SMURF1: variants seen among roughly 807,000 people sequenced by gnomAD.
SMURF1 encodes SMAD specific E3 ubiquitin protein ligase 1.
Under a neutral mutation model 98.0 loss-of-function variants are expected in SMURF1, and 44 were observed. The ratio of observed to expected loss-of-function variants is 0.45; its 90% CI spans 0.35 to 0.58. SMURF1 has a LOEUF of 0.58. SMURF1 is among the 20% of genes least tolerant of loss of function. SMURF1 has a pLI of 0.00. For synonymous variants in SMURF1, 396 were observed against 374.9 expected, an observed-to-expected ratio of 1.06 and a Z score of -0.65; for missense variants, 687 against 938.4, an observed-to-expected ratio of 0.73 and a Z score of 3.50.
At chr7:99,030,819 T>G in intron 17 of SMURF1, 136 bp from the exon 18 acceptor site, 1 of 603,172 alleles carries the variant, frequency 1.7e-6, no homozygotes, top group East Asian at 2.8e-5. Context: ...TGATGAGTTC[T>G]CCATGTCCCC....
At chr7:99,049,473 G>T in intron 9 of SMURF1, 90 bp downstream of exon 9, 1 of 1,304,252 alleles carries the variant, frequency 7.7e-7, no homozygotes, top group Non-Finnish European at 1.1e-6. Flanking sequence ...CAACCAGCAA[G>T]ACAGTCAATA....
chr7:99,127,350 G>A (rs1267349581), intron 1 of SMURF1, among the ~76,000 whole-genome samples: 1 of 152,034 alleles, frequency 6.6e-6, no homozygotes, highest in Admixed American at 6.6e-5. Context: ...GTGAGAAAAG[G>A]AAGAGGCATT....
intron 1 of SMURF1, among the ~76,000 whole-genome samples, chr7:99,087,599 G>A (rs935303638): frequency 6.6e-6 from 1 of 152,166 alleles, no homozygotes; most frequent in Non-Finnish European, 1.5e-5. Context: ...GGTAGTGTCT[G>A]GGCATAAGAG....
chr7:99,074,814 G>A (rs1796413131), intron 1 of SMURF1, among the ~76,000 whole-genome samples: 1 of 152,174 alleles, frequency 6.6e-6, no homozygotes, highest in Non-Finnish European at 1.5e-5. Flanking sequence ...GATGACTTGT[G>A]TCCAGGTGTT....
intron 1 of SMURF1, among the ~76,000 whole-genome samples, chr7:99,113,837 TAAAAAAA>T (rs71118659): frequency 8.8e-5 from 3 of 33,952 alleles, no homozygotes; most frequent in African/African-American, 2.9e-4. Context: ...AGACTCCGTC[TAAAAAAA>T]AAAAAAAAAA....
At chr7:99,063,100 G>T (rs1796073711) in intron 1 of SMURF1, among the ~76,000 whole-genome samples, 1 of 149,544 alleles carries the variant, frequency 6.7e-6, no homozygotes, top group Admixed American at 6.7e-5. Flanking sequence ...ACAAAAATGT[G>T]CTCACATAAT....
At chr7:99,056,411 A>G (rs1488371153) in intron 5 of SMURF1, among the ~76,000 whole-genome samples, 11 of 152,228 alleles carry the variant, frequency 7.2e-5, no homozygotes, top group Admixed American at 7.2e-4. Context: ...GACTGCCTCT[A>G]GCCAACACTT....
chr7:99,085,856 C>T (rs999013308), intron 1 of SMURF1, among the ~76,000 whole-genome samples: 5 of 152,158 alleles, frequency 3.3e-5, no homozygotes, highest in Admixed American at 1.3e-4. Flanking sequence ...AGTATATATC[C>T]TTTTCAGATT....
At chr7:99,052,620 A>G (rs1195546186) in intron 6 of SMURF1, among the ~76,000 whole-genome samples, 174 bp from the exon 7 acceptor site, 1 of 152,262 alleles carries the variant, frequency 6.6e-6, no homozygotes, top group Non-Finnish European at 1.5e-5. Flanking sequence ...CCACTCAAAC[A>G]GAAAGACAGA....
intron 1 of SMURF1, among the ~76,000 whole-genome samples, chr7:99,121,400 C>A (rs1229262496): frequency 6.6e-6 from 1 of 152,098 alleles, no homozygotes; most frequent in Non-Finnish European, 1.5e-5. Context: ...TATATAATTT[C>A]TAAATTAACA....
rs1794833048 is a variant in SMURF1, at chr7:99,030,449, AAGG to A, written c.*132_*134del. 3.0e-5 allele frequency: 22 copies of A among 735,026 alleles called. 1 individual carries two copies. In the South Asian group the frequency reaches 3.8e-4, roughly 13 times the overall value. The allele number at this position is 735,026 out of a possible 1,614,324, so 45.5% of individuals were successfully genotyped here. On this transcript the variant is annotated 3_prime_UTR_variant, in exon 18 of 18. Coordinates refer to ENST00000361368, the MANE Select transcript of SMURF1 (RefSeq NM_181349.3). ...TCCCCCATCCCCCTCCCCCAACAGAAAGGAGAGAGACAACCCTTTCCCCTCAGG... is the reference window on the plus strand; with the variant it reads ...TCCCCCATCCCCCTCCCCCAACAGAAAGAGAGACAACCCTTTCCCCTCAGG...
chr7:99,133,880 T>A (rs1797927857), intron 1 of SMURF1, among the ~76,000 whole-genome samples: 1 of 152,102 alleles, frequency 6.6e-6, no homozygotes, highest in African/African-American at 2.4e-5. Flanking sequence ...AAAAATAACA[T>A]TGAACAAAAG....
intron 17 of SMURF1, chr7:99,031,255 C>T (rs1334643911): frequency 2.0e-5 from 3 of 152,188 alleles, no homozygotes; most frequent in Admixed American, 6.5e-5. Context: ...GGAAAATTCC[C>T]TGCAAAAACA....
chr7:99,034,852 G>A (rs1795071190), intron 16 of SMURF1, among the ~76,000 whole-genome samples: 1 of 152,176 alleles, frequency 6.6e-6, no homozygotes, highest in Non-Finnish European at 1.5e-5. Flanking sequence ...CGAGGCAGAG[G>A]GAATATTCTG....
At chr7:99,049,765 C>A in intron 8 of SMURF1, 56 bp from the exon 9 acceptor site, 1 of 1,546,600 alleles carries the variant, frequency 6.5e-7, no homozygotes, top group Non-Finnish European at 8.8e-7. Flanking sequence ...AGGAATGAGA[C>A]CAAAAGTCAG....
chr7:99,049,673 T>C lies in SMURF1; in HGVS notation c.843A>G (p.Pro281=), dbSNP rs770812432. Residue 281 remains proline (P), a synonymous_variant, in exon 9 of 18, where the codon CCA becomes CCG. Transcript: ENST00000361368. ...TTCTGACTTCCCAGCCTGGCGGCAG[T>C]GGTCCAAGTTCATCACAGTTCACAC... is the stretch of plus-strand genomic sequence containing the variant. ...LNSVNCDELG[P]LPPGWEVRST... 2.5e-6 allele frequency: 4 copies of C among 1,614,172 alleles called. No individual in the cohort carries two copies. Among genetic ancestry groups the C allele is most frequent in the Non-Finnish European group, 3.4e-6 (4 of 1,180,038 alleles).
rs1179165449 is a variant in SMURF1 at position 99,028,381 on chromosome 7, C to T, written c.*2203G>A. The T allele has an allele frequency of 6.6e-6, 1 of 152,322 alleles. No individual in the cohort carries two copies. Among genetic ancestry groups the T allele is most frequent in the African/African-American group, 2.4e-5 (1 of 41,418 alleles). The allele number at this position is 152,322 out of a possible 1,614,324, so 9.4% of individuals were successfully genotyped here. ...TCTGCGACACTCACACAACCGATGA[C>T]AAGGCGGCAAACCCACACGCAGGTA... On this transcript the variant is annotated 3_prime_UTR_variant, in exon 18 of 18. Transcript: ENST00000361368.
At chr7:99,044,812 A>C (rs1433608842) in intron 11 of SMURF1, among the ~76,000 whole-genome samples, 1 of 152,212 alleles carries the variant, frequency 6.6e-6, no homozygotes, top group East Asian at 1.9e-4. Flanking sequence ...CAAGATACCT[A>C]TTCAAAGAAA....
intron 8 of SMURF1, chr7:99,051,129 A>G: frequency 1.2e-6 from 1 of 863,802 alleles, no homozygotes; most frequent in Non-Finnish European, 1.8e-6. Flanking sequence ...CAACTTCAAC[A>G]ATGATCATGG....
Sources: allele counts gnomAD v4.1 joint callset (sites outside exome capture counted in the v4.1 genomes callset), GRCh38; gene constraint gnomAD v4.1.1; transcripts MANE v1.5; gene names NCBI Gene and HGNC (gene_info 2026-07-23, HGNC 2026-07-21).